MOXD1: variants seen among roughly 807,000 people sequenced by gnomAD.
MOXD1 encodes monooxygenase DBH like 1, also known as DBH-like monooxygenase protein 1.
MOXD1 carries 62 observed loss-of-function variants against 66.6 expected under a neutral mutation model. That is an observed-to-expected ratio of 0.93 (90% CI 0.76 to 1.15). The LOEUF (loss-of-function observed/expected upper bound fraction) is 1.15, where lower values mean the gene tolerates loss of function less well. MOXD1 is among the 50% of genes most tolerant of loss of function. The pLI is 0.00. For missense variants in MOXD1, 847 were observed against 754.6 expected, an observed-to-expected ratio of 1.12 and a Z score of -1.44; for synonymous variants, 303 against 281.9, an observed-to-expected ratio of 1.07 and a Z score of -0.75.
intron 1 of MOXD1, among the ~76,000 whole-genome samples, chr6:132,385,861 T>C (rs888796885): frequency 5.3e-5 from 8 of 151,636 alleles, no homozygotes; most frequent in Non-Finnish European, 7.4e-5. Context: ...CCCAGCCCTC[T>C]GGGAGGCTGA....
At chr6:132,385,461 A>AATT (rs71030795) in intron 1 of MOXD1, among the ~76,000 whole-genome samples, 43,282 of 133,286 alleles carry the variant, frequency 0.32, 7,186 homozygotes, top group East Asian at 0.49. Context: ...AATATACTGA[A>AATT]ATTATTATTA....
chr6:132,369,805 G>T (rs1306526919), intron 4 of MOXD1, among the ~76,000 whole-genome samples: 2 of 152,036 alleles, frequency 1.3e-5, no homozygotes, highest in Admixed American at 1.3e-4. Flanking sequence ...ACTCAAAATG[G>T]CATGCAACTT....
At chr6:132,384,273 CCTTCCTTCCTTCCTTCCT>C (rs1776576633) in intron 1 of MOXD1, among the ~76,000 whole-genome samples, 1 of 104,024 alleles carries the variant, frequency 9.6e-6, no homozygotes, top group African/African-American at 3.5e-5. Context: ...TTCCTTCCTT[CCTTCCTTCCTTCCTTCCT>C]CCTTCCTTCC....
intron 1 of MOXD1, among the ~76,000 whole-genome samples, chr6:132,388,900 A>G (rs190219014): frequency 2.0e-5 from 3 of 151,492 alleles, no homozygotes; most frequent in Admixed American, 1.3e-4. Context: ...GCTTAGAAAT[A>G]CAGCAGCTGG....
intron 1 of MOXD1, chr6:132,392,111 ATTTC>A (rs1776778026): frequency 2.5e-5 from 36 of 1,422,840 alleles, no homozygotes; most frequent in Non-Finnish European, 3.3e-5. Context: ...CTTTCCAAAC[ATTTC>A]TTTGTCGCCG....
intron 4 of MOXD1, among the ~76,000 whole-genome samples, chr6:132,354,932 A>G (rs1196481347): frequency 6.6e-6 from 1 of 152,088 alleles, no homozygotes; most frequent in African/African-American, 2.4e-5. Context: ...CCAGGGAAGT[A>G]GGGGAAAACC....
chr6:132,379,322 T>A (rs970499204), intron 1 of MOXD1, among the ~76,000 whole-genome samples: 4 of 152,088 alleles, frequency 2.6e-5, no homozygotes, highest in Non-Finnish European at 5.9e-5. Context: ...CACTGCAGAA[T>A]CCCTCAGTAA....
rs779261453 is a variant in MOXD1, at chr6:132,323,987, G to A, written c.1057C>T (p.Pro353Ser). Reference protein sequence around the residue: ...LWVSLFHTIPPGMPEFQSEGH... With the variant: ...LWVSLFHTIPSGMPEFQSEGH... ...TCAGACTGGAACTCAGGCATCCCTG[G>A]AGGGATGGTATGGAAGAGGCTCACC... is the stretch of plus-strand genomic sequence containing the variant. Residue 353 changes from proline to serine, a missense_variant, in exon 7 of 12, where the codon CCA (proline) becomes TCA (serine). Transcript: ENST00000367963. 6 of 1,613,888 alleles carry A rather than the reference G, an allele frequency of 3.7e-6. No individual in the cohort carries two copies. The highest frequency in any genetic ancestry group is 2.2e-5 in the East Asian group (1 of 44,860).
rs1442421802 is a variant in MOXD1, at chr6:132,322,691, T to G, written c.1293A>C (p.Gln431His). 1 of 1,613,468 alleles carries G rather than the reference T, an allele frequency of 6.2e-7. No individual in the cohort carries two copies. The highest frequency in any genetic ancestry group is 8.5e-7 in the Non-Finnish European group (1 of 1,179,746). ...FQEFQYLKEE[Q>H]TILPGDNLIT... ...AAAACATGCATACTGGTAAGATTGTTTGTTCTTCCTTTAGATACTGAAACT... is the reference window on the plus strand; with the variant it reads ...AAAACATGCATACTGGTAAGATTGTGTGTTCTTCCTTTAGATACTGAAACT... Residue 431 changes from glutamine (Q) to histidine (H), a missense_variant, in exon 8 of 12, where the codon CAA becomes CAC. Coordinates refer to ENST00000367963, the MANE Select transcript of MOXD1 (RefSeq NM_015529.4).
Position 132,390,162 on chromosome 6 carries a change from GAA to G in MOXD1, c.264+10999_264+11000del, listed in dbSNP as rs1776729384. ...TCTGTGTAACAATGCCACAGAAATA[GAA>G]AAGAGAGCTCATGCGGTTCAGACAC... On this transcript the variant is annotated intron_variant, in intron 1 of 11. Coordinates refer to ENST00000367963, the MANE Select transcript of MOXD1 (RefSeq NM_015529.4). 1.3e-5 allele frequency among the ~76,000 whole-genome samples: 2 copies of G among 151,422 alleles called. 1 individual carries two copies.
Position 132,372,935 on chromosome 6 carries a change from C to G in MOXD1, c.474G>C (p.Lys158Asn). The G allele has an allele frequency of 6.2e-7, 1 of 1,613,998 alleles. No homozygotes were observed. The highest frequency in any genetic ancestry group is 2.2e-5 in the East Asian group (1 of 44,878). Residue 158 changes from lysine (K) to asparagine (N), a missense_variant, in exon 3 of 12, where the codon AAG becomes AAC. Coordinates refer to ENST00000367963, the MANE Select transcript of MOXD1 (RefSeq NM_015529.4). ...HHEDAGEAGP[K>N]YHDSNRGTKS... ...TGGTGCCCCTATTGGAGTCATGGTA[C>G]TTGGGACCAGCTTCTCCTGCATCTT...
At chr6:132,385,538 C>T (rs1776612787) in intron 1 of MOXD1, among the ~76,000 whole-genome samples, 1 of 150,674 alleles carries the variant, frequency 6.6e-6, no homozygotes, top group Non-Finnish European at 1.5e-5. Flanking sequence ...GGCTGAAGTT[C>T]AGTGGCACAA....
At chr6:132,388,943 G>A (rs756408805) in intron 1 of MOXD1, among the ~76,000 whole-genome samples, 11 of 151,500 alleles carry the variant, frequency 7.3e-5, no homozygotes, top group Admixed American at 1.3e-4. Flanking sequence ...AGGAATGGGA[G>A]AGGGCTATGA....
chr6:132,361,870 C>T (rs1016476444), intron 4 of MOXD1, among the ~76,000 whole-genome samples: 7 of 152,062 alleles, frequency 4.6e-5, no homozygotes, highest in African/African-American at 1.7e-4. Flanking sequence ...CAAATACATT[C>T]ATGTTAAATG....
chr6:132,340,033 A>G (rs1228378357), intron 4 of MOXD1, among the ~76,000 whole-genome samples: 1 of 151,904 alleles, frequency 6.6e-6, no homozygotes, highest in East Asian at 1.9e-4. Flanking sequence ...CCACACCTGG[A>G]TAATTTTTGT....
chr6:132,371,013 C>A (rs113521660), intron 4 of MOXD1, among the ~76,000 whole-genome samples: 6 of 152,090 alleles, frequency 3.9e-5, no homozygotes, highest in African/African-American at 1.2e-4. Flanking sequence ...TTAACAATGG[C>A]AAGAATAAAA....
chr6:132,297,841 G>A lies in MOXD1; in HGVS notation c.1623C>T (p.Val541=), dbSNP rs750018419. The A allele has an allele frequency of 3.7e-6, 6 of 1,613,276 alleles. No homozygotes were observed. The Admixed American group carries it at 5.0e-5, about 13-fold the overall frequency. The change falls in exon 11 of 12, where the codon GTC becomes GTT. Residue 541 remains valine (V), a synonymous_variant. Transcript: ENST00000367963. ...ATCTCACATTCACTGGCAGGCTGAG[G>A]ACCAGCTTGTTGAAGGAGAGACCTT... ...KKEGLSFNKL[V]LSLPVNVRCS...
chr6:132,312,609 T>C (rs1443977299), intron 10 of MOXD1, among the ~76,000 whole-genome samples: 4 of 147,352 alleles, frequency 2.7e-5, no homozygotes, highest in Non-Finnish European at 6.0e-5. Context: ...TTTTTTTTTT[T>C]CTTTTTTCTT....
At chr6:132,393,704 C>T (rs1776814847) in intron 1 of MOXD1, among the ~76,000 whole-genome samples, 1 of 152,126 alleles carries the variant, frequency 6.6e-6, no homozygotes. Context: ...TTATGAAAGC[C>T]CCGCCCCTGC....
Sources: gnomAD v4.1 joint callset for allele counts (sites outside exome capture counted in the v4.1 genomes callset) on GRCh38, gnomAD v4.1.1 for gene constraint, MANE v1.5 for transcripts, NCBI Gene and HGNC (gene_info 2026-07-23, HGNC 2026-07-21) for gene names.